Variants in ATXN1 observed in about 807,000 individuals in gnomAD.
The protein encoded by ATXN1 is ataxin-1.
A neutral mutation model predicts 56.4 loss-of-function variants in ATXN1; 8 were observed. The ratio of observed to expected loss-of-function variants is 0.14; its 90% CI spans 0.08 to 0.26. ATXN1 has a LOEUF of 0.26. Among genes scored for constraint, ATXN1 ranks in the 10% least tolerant of loss-of-function variants. ATXN1 has a pLI of 1.00. For missense variants in ATXN1, 987 were observed against 1,106.5 expected (o/e 0.89, Z 1.53); for synonymous variants, 514 against 494.6 (o/e 1.04, Z -0.52).
chr6:16,517,839 C>A (rs1761214583), intron 5 of ATXN1, among the ~76,000 whole-genome samples: 1 of 152,174 alleles, frequency 6.6e-6, no homozygotes, highest in African/African-American at 2.4e-5. Flanking sequence ...CAAGAAGAGA[C>A]CACGATTGCT....
At chr6:16,691,237 G>C (rs958727724) in intron 2 of ATXN1, among the ~76,000 whole-genome samples, 8 of 152,202 alleles carry the variant, frequency 5.3e-5, no homozygotes, top group Non-Finnish European at 8.8e-5. Context: ...TCATGGCAAA[G>C]CTCCCTGAGG....
At chr6:16,688,086 G>A (rs1758957892) in intron 2 of ATXN1, among the ~76,000 whole-genome samples, 1 of 152,076 alleles carries the variant, frequency 6.6e-6, no homozygotes, top group Non-Finnish European at 1.5e-5. Context: ...ATTAACATTA[G>A]CTCTTCAATT....
rs780032369 is a variant in ATXN1 at position 16,327,359 on chromosome 6, T to C, written c.952A>G (p.Ile318Val). 5.0e-6 allele frequency: 8 copies of C among 1,613,364 alleles called. No individual in the cohort carries two copies. The highest frequency in any genetic ancestry group is 1.7e-5 in the Admixed American group (1 of 59,996). The stretch of plus-strand genomic sequence containing the variant: ...CCGTTCAGGACCTCCTTGGCCTGGA[T>C]GGCCTGCTGCAGCCGGCTGCTCTCA... ...KAESSRLQQA[I>V]QAKEVLNGEM... The change falls in exon 7 of 8, where the codon ATC (isoleucine) becomes GTC (valine). Residue 318 changes from isoleucine (I) to valine (V), a missense_variant. Around this residue, in one of 3 missense-constraint regions of ATXN1, gnomAD observed 723 missense variants for 791.7 expected, o/e 0.91. Coordinates refer to ENST00000436367, the MANE Select transcript of ATXN1 (RefSeq NM_001128164.2).
At chr6:16,692,267 T>C (rs564308828) in intron 2 of ATXN1, among the ~76,000 whole-genome samples, 2 of 150,304 alleles carry the variant, frequency 1.3e-5, no homozygotes, top group South Asian at 2.1e-4. Flanking sequence ...ATGTACTTTA[T>C]ATGATTAATC....
chr6:16,354,224 C>CA (rs928771433), intron 6 of ATXN1, among the ~76,000 whole-genome samples: 1 of 152,084 alleles, frequency 6.6e-6, no homozygotes, highest in African/African-American at 2.4e-5. Context: ...GTGCCCTCCA[C>CA]AATAAAGCCA....
chr6:16,650,276 T>C (rs1057197560), intron 3 of ATXN1, among the ~76,000 whole-genome samples: 1 of 152,204 alleles, frequency 6.6e-6, no homozygotes, highest in African/African-American at 2.4e-5. Context: ...AGATGAGATT[T>C]AAATGGTAAG....
rs189631051 is a variant in ATXN1, at chr6:16,414,689, C to T, written c.-161+71283G>A. ...ACCCAGTAGAGCCTCTTCACTCAGG[C>T]CTTTTTATTTGAGTTTATCTATCCG... On this transcript the variant is annotated intron_variant, in intron 6 of 7. Coordinates refer to ENST00000436367, the MANE Select transcript of ATXN1 (RefSeq NM_001128164.2). Among the ~76,000 whole-genome samples, 7 of 152,278 alleles carry T rather than the reference C, an allele frequency of 4.6e-5. No individual in the cohort carries two copies. In the East Asian group the frequency reaches 1.2e-3, roughly 25 times the overall value.
chr6:16,466,512 G>A (rs1445836459), intron 6 of ATXN1, among the ~76,000 whole-genome samples: 2 of 152,208 alleles, frequency 1.3e-5, no homozygotes, highest in East Asian at 3.9e-4. Context: ...TATCCAACTG[G>A]TGAAATCGAA....
chr6:16,520,477 C>T (rs1015624238), intron 5 of ATXN1, among the ~76,000 whole-genome samples: 9 of 152,116 alleles, frequency 5.9e-5, no homozygotes, highest in African/African-American at 1.9e-4. Context: ...TCAGGCAGTC[C>T]TTCTTTCATT....
intron 6 of ATXN1, among the ~76,000 whole-genome samples, chr6:16,459,659 C>T (rs1759951246): frequency 6.6e-6 from 1 of 152,208 alleles, no homozygotes; most frequent in Admixed American, 6.5e-5. Context: ...CCCAGTTTCT[C>T]TTTGCCTTTG....
At chr6:16,369,226 A>T (rs945064925) in intron 6 of ATXN1, among the ~76,000 whole-genome samples, 2 of 152,212 alleles carry the variant, frequency 1.3e-5, no homozygotes, top group Non-Finnish European at 2.9e-5. Context: ...GTTGCTTTCT[A>T]AATATCCAAA....
At chr6:16,583,261 C>T (rs1249507223) in intron 4 of ATXN1, among the ~76,000 whole-genome samples, 2 of 152,218 alleles carry the variant, frequency 1.3e-5, no homozygotes, top group African/African-American at 4.8e-5. Flanking sequence ...CATACACAAG[C>T]TCATAGCAGG....
chr6:16,505,974 T>C (rs1174198117), intron 5 of ATXN1, among the ~76,000 whole-genome samples: 1 of 152,170 alleles, frequency 6.6e-6, no homozygotes, highest in Non-Finnish European at 1.5e-5. Flanking sequence ...CCATAAGGAA[T>C]AATCCTCTTT....
intron 6 of ATXN1, among the ~76,000 whole-genome samples, chr6:16,348,544 CA>C (rs957789064): frequency 5.3e-5 from 8 of 151,622 alleles, no homozygotes; most frequent in Non-Finnish European, 1.2e-4. Context: ...ACTAAAAATA[CA>C]AAAAAAATTA....
intron 6 of ATXN1, among the ~76,000 whole-genome samples, chr6:16,392,094 T>C (rs1758365781): frequency 2.0e-5 from 3 of 152,166 alleles, no homozygotes; most frequent in Non-Finnish European, 2.9e-5. Flanking sequence ...TTCTCAGAGG[T>C]GGTCAAGAAC....
At chr6:16,533,760 A>G (rs372788969) in intron 4 of ATXN1, among the ~76,000 whole-genome samples, 7 of 152,186 alleles carry the variant, frequency 4.6e-5, no homozygotes, top group Non-Finnish European at 1.0e-4. Flanking sequence ...CGTCACGCAT[A>G]TAACTGCTTT....
intron 2 of ATXN1, among the ~76,000 whole-genome samples, chr6:16,718,399 G>A (rs1759680437): frequency 1.3e-5 from 2 of 152,168 alleles, no homozygotes; most frequent in Admixed American, 1.3e-4. Flanking sequence ...TAACTGCAAC[G>A]GAGCAAGAAT....
intron 2 of ATXN1, among the ~76,000 whole-genome samples, chr6:16,705,259 C>T (rs1759381983): frequency 6.6e-6 from 1 of 152,168 alleles, no homozygotes; most frequent in Non-Finnish European, 1.5e-5. Context: ...TTTGCTCACC[C>T]CACACTAGGT....
chr6:16,362,151 C>G (rs1225657908), intron 6 of ATXN1, among the ~76,000 whole-genome samples: 1 of 152,148 alleles, frequency 6.6e-6, no homozygotes, highest in Non-Finnish European at 1.5e-5. Flanking sequence ...AGGCAGAAAC[C>G]CGTGACGATG....
Sources: allele counts gnomAD v4.1 joint callset (sites outside exome capture counted in the v4.1 genomes callset), GRCh38; gene constraint gnomAD v4.1.1; regional missense constraint gnomAD v4.1.1; transcripts MANE v1.5; gene names NCBI Gene and HGNC (gene_info 2026-07-23, HGNC 2026-07-21).